Variants in CORO2B observed in about 807,000 individuals in gnomAD.
The protein encoded by CORO2B is coronin-2B.
In CORO2B, 26 loss-of-function variants were observed where a neutral mutation model predicts 58.8. The ratio of observed to expected loss-of-function variants is 0.44; its 90% CI spans 0.32 to 0.61. CORO2B has a LOEUF of 0.61. CORO2B is among the 20% of genes least tolerant of loss of function. CORO2B has a pLI of 0.04. For synonymous variants in CORO2B, 242 were observed against 253.8 expected, an observed-to-expected ratio of 0.95 and a Z score of 0.44; for missense variants, 460 against 645.1, an observed-to-expected ratio of 0.71 and a Z score of 3.11.
chr15:68,656,498 C>T (rs1901811848), intron 2 of CORO2B, among the ~76,000 whole-genome samples: 2 of 152,092 alleles, frequency 1.3e-5, no homozygotes, highest in Non-Finnish European at 2.9e-5. Context: ...GGGCAAGACA[C>T]TTGGTCAAGG....
chr15:68,655,876 C>G (rs1367333960), intron 2 of CORO2B, among the ~76,000 whole-genome samples: 3 of 152,150 alleles, frequency 2.0e-5, no homozygotes, highest in Non-Finnish European at 4.4e-5. Flanking sequence ...GTCAGTGACT[C>G]TCAGCACTTC....
intron 3 of CORO2B, among the ~76,000 whole-genome samples, chr15:68,695,616 G>T (rs1435489445): frequency 3.3e-5 from 5 of 152,198 alleles, no homozygotes; most frequent in Admixed American, 3.3e-4. Flanking sequence ...GAAGGAACTG[G>T]ATGGGCATGA....
chr15:68,701,478 A>ATTTT (rs71145193), intron 3 of CORO2B, among the ~76,000 whole-genome samples: 2,027 of 38,746 alleles, frequency 0.052, 371 homozygotes, highest in East Asian at 0.098. Context: ...CGCCCGGCTA[A>ATTTT]TTTTTTTTTT....
intron 2 of CORO2B, among the ~76,000 whole-genome samples, chr15:68,648,658 G>T (rs768222598): frequency 6.6e-6 from 1 of 152,092 alleles, no homozygotes; most frequent in East Asian, 1.9e-4. Context: ...TCAAAAAAAA[G>T]AAAGAGAGAG....
chr15:68,574,635 C>T (rs989367837), upstream of CORO2B, among the ~76,000 whole-genome samples: 2 of 152,086 alleles, frequency 1.3e-5, no homozygotes, highest in Non-Finnish European at 2.9e-5. Context: ...AGGTGCCCAT[C>T]ACAGCCTTAT....
intron 11 of CORO2B, among the ~76,000 whole-genome samples, chr15:68,720,771 A>C (rs1013610324): frequency 6.6e-6 from 1 of 152,182 alleles, no homozygotes; most frequent in African/African-American, 2.4e-5. Context: ...GTATCCCACC[A>C]CTTCTGCCCT....
Position 68,715,323 on chromosome 15 carries a change from C to A in CORO2B, c.967+12C>A, listed in dbSNP as rs368357685. On this transcript the variant is annotated intron_variant, in intron 8 of 11. Transcript: ENST00000261861. ...GCAGAAAGGCCTAGGTAAGTGGCCCCGAGGCTGCCACAGCTGGTGTGCTCA... is the reference window on the plus strand; with the variant it reads ...GCAGAAAGGCCTAGGTAAGTGGCCCAGAGGCTGCCACAGCTGGTGTGCTCA... 4 of 1,593,724 alleles carry A rather than the reference C, an allele frequency of 2.5e-6. No individual in the cohort carries two copies. The South Asian group carries it at 4.4e-5, about 18-fold the overall frequency.
chr15:68,654,789 A>T (rs950586425), intron 2 of CORO2B, among the ~76,000 whole-genome samples: 5 of 152,200 alleles, frequency 3.3e-5, no homozygotes, highest in African/African-American at 1.2e-4. Context: ...TCTCCAGGCC[A>T]CCCCATCCTA....
At chr15:68,598,111 A>G (rs1249028289) in intron 1 of CORO2B, among the ~76,000 whole-genome samples, 2 of 152,332 alleles carry the variant, frequency 1.3e-5, no homozygotes, top group Non-Finnish European at 1.5e-5. Flanking sequence ...ACCTTGTTCC[A>G]TAGACTTGGC....
chr15:68,625,128 C>T (rs565729676), intron 1 of CORO2B, among the ~76,000 whole-genome samples: 13 of 152,246 alleles, frequency 8.5e-5, no homozygotes, highest in East Asian at 1.9e-4. Flanking sequence ...ATGGGCGGTC[C>T]GAGCATGCCG....
At position 68,718,597 on chromosome 15, in the gene CORO2B, G is replaced by A. The variant is rs899284176; in HGVS notation, c.968-101G>A. On this transcript the variant is annotated intron_variant, in intron 8 of 11. Transcript: ENST00000261861. ...CATGGGCCGTTGCCTCCAAACCTAA[G>A]TACATTCCTCAGCCTTTCCCCTGGC... 8.6e-6 allele frequency: 9 copies of A among 1,040,582 alleles called. No homozygotes were observed. In the Admixed American group the frequency reaches 1.8e-4, roughly 21 times the overall value. The allele number at this position is 1,040,582 out of a possible 1,614,324, so 64.5% of individuals were successfully genotyped here. A position where few individuals can be genotyped will look rare whatever the true frequency, so the allele number is the denominator to read the frequency against.
chr15:68,606,043 T>C (rs1343702727), intron 1 of CORO2B, among the ~76,000 whole-genome samples: 1 of 151,556 alleles, frequency 6.6e-6, no homozygotes, highest in African/African-American at 2.4e-5. Flanking sequence ...GTTTTGAGGG[T>C]GAGCAGCTGG....
At chr15:68,614,025 C>A (rs1900298574) in intron 1 of CORO2B, among the ~76,000 whole-genome samples, 1 of 152,160 alleles carries the variant, frequency 6.6e-6, no homozygotes, top group African/African-American at 2.4e-5. Flanking sequence ...ATCACCGTGC[C>A]TTAAAGGTGT....
chr15:68,590,361 C>G (rs761056899), intron 1 of CORO2B, among the ~76,000 whole-genome samples: 1 of 152,170 alleles, frequency 6.6e-6, no homozygotes. Context: ...AGGCTGCCCC[C>G]CCATGCCCAG....
chr15:68,566,361 A>G, the CORO2B span, among the ~76,000 whole-genome samples: 1 of 152,184 alleles, frequency 6.6e-6, no homozygotes, highest in African/African-American at 2.4e-5. Context: ...TAGGAGAAGC[A>G]GGATTTGGAC....
At chr15:68,608,103 C>T (rs1900167230) in intron 1 of CORO2B, among the ~76,000 whole-genome samples, 1 of 152,258 alleles carries the variant, frequency 6.6e-6, no homozygotes. Flanking sequence ...CGTGAAAGAA[C>T]ATATCCCACC....
the CORO2B span, among the ~76,000 whole-genome samples, chr15:68,526,962 A>G: frequency 2.0e-5 from 3 of 152,308 alleles, no homozygotes; most frequent in East Asian, 5.8e-4. Context: ...GGGCCCTCAT[A>G]CAATAGGATT....
intron 8 of CORO2B, among the ~76,000 whole-genome samples, chr15:68,715,982 G>A (rs1157020811): frequency 1.3e-5 from 2 of 152,192 alleles, no homozygotes; most frequent in African/African-American, 2.4e-5. Context: ...CCACCTCTGC[G>A]GGTGATCCTC....
At chr15:68,526,328 T>G in the CORO2B span, among the ~76,000 whole-genome samples, 1 of 152,226 alleles carries the variant, frequency 6.6e-6, no homozygotes, top group Non-Finnish European at 1.5e-5. Context: ...TATTTAAGTT[T>G]ATAAGAAATT....
Sources: gnomAD v4.1 joint callset for allele counts (sites outside exome capture counted in the v4.1 genomes callset) on GRCh38, gnomAD v4.1.1 for gene constraint, MANE v1.5 for transcripts, NCBI Gene and HGNC (gene_info 2026-07-23, HGNC 2026-07-21) for gene names.